FRYL: variants seen among roughly 807,000 people sequenced by gnomAD.
The protein encoded by FRYL is protein furry homolog-like.
Under a neutral mutation model 351.2 loss-of-function variants are expected in FRYL, and 150 were observed. The ratio of observed to expected loss-of-function variants is 0.43; its 90% CI spans 0.37 to 0.49. The LOEUF (loss-of-function observed/expected upper bound fraction) is 0.49, where lower values mean the gene tolerates loss of function less well. Ranked by LOEUF, FRYL falls within the 20% of genes least tolerant of loss-of-function variation. The pLI is 0.00. For synonymous variants in FRYL, 1,153 were observed against 1,257.1 expected (o/e 0.92, Z 1.75); for missense variants, 3,036 against 3,619.3 (o/e 0.84, Z 4.13).
At position 48,512,611 on chromosome 4, in the gene FRYL, A is replaced by C; in HGVS notation, c.8015T>G (p.Ile2672Arg). The change falls in exon 57 of 64, where the codon ATA becomes AGA. Residue 2672 changes from isoleucine to arginine, a missense_variant. Coordinates refer to ENST00000358350, the MANE Select transcript of FRYL (RefSeq NM_015030.2). ...ATATGCCACGGGCTGAAAGGCGGCT[A>C]TGATGGCAGAAAGAAATGGTGACGG... ...PLPSPFLSAI[I>R]AAFQPVAYDD... 6.2e-7 allele frequency: 1 copy of C among 1,614,102 alleles called. No individual in the cohort carries two copies. The highest frequency in any genetic ancestry group is 8.5e-7 in the Non-Finnish European group (1 of 1,179,956).
rs773886010 is a variant in FRYL at position 48,564,977 on chromosome 4, A to G, written c.3397T>C (p.Leu1133=). The change falls in exon 30 of 64, where the codon TTG becomes CTG. Residue 1133 remains leucine, a synonymous_variant. Transcript: ENST00000358350. ...AAAATGTTATCCAACCATTTGTACAAATAGCCATCTGATGAAAGTCCTACA... is the reference window on the plus strand; with the variant it reads ...AAAATGTTATCCAACCATTTGTACAGATAGCCATCTGATGAAAGTCCTACA... ...DNVGLSSDGY[L]YKWLDNILDS... 2.5e-6 allele frequency: 4 copies of G among 1,609,662 alleles called. No homozygotes were observed. The highest frequency in any genetic ancestry group is 2.5e-6 in the Non-Finnish European group (3 of 1,177,006).
chr4:48,578,678 T>G (rs1170718085), intron 23 of FRYL, among the ~76,000 whole-genome samples: 1 of 152,232 alleles, frequency 6.6e-6, no homozygotes, highest in Non-Finnish European at 1.5e-5. Flanking sequence ...ATCCTTAGAT[T>G]CTTTCCCAAT....
At chr4:48,542,192 G>C (rs1404413203) in intron 44 of FRYL, 71 bp from the exon 45 acceptor site, 2 of 1,033,430 alleles carry the variant, frequency 1.9e-6, no homozygotes, top group African/African-American at 3.2e-5. Context: ...CTTCCTAATG[G>C]GATTTTAAAA....
intron 13 of FRYL, among the ~76,000 whole-genome samples, chr4:48,597,125 T>C (rs1460085815): frequency 6.6e-6 from 1 of 152,180 alleles, no homozygotes; most frequent in African/African-American, 2.4e-5. Context: ...AAGTAACATA[T>C]AATGTATACT....
chr4:48,510,809 T>A (rs1394164809), intron 58 of FRYL, 26 bp downstream of exon 58: 1 of 1,582,090 alleles, frequency 6.3e-7, no homozygotes, highest in Non-Finnish European at 8.7e-7. Flanking sequence ...GTAGTCTTTA[T>A]AATAAACCTG....
intron 50 of FRYL, 22 bp downstream of exon 50, chr4:48,531,134 C>G: frequency 1.4e-6 from 2 of 1,431,148 alleles, no homozygotes; most frequent in Non-Finnish European, 2.0e-6. Flanking sequence ...AGAGTAACTT[C>G]ATCAATTTCT....
At chr4:48,570,551 AG>A (rs1738059213) in intron 27 of FRYL, among the ~76,000 whole-genome samples, 1 of 152,240 alleles carries the variant, frequency 6.6e-6, no homozygotes, top group Non-Finnish European at 1.5e-5. Flanking sequence ...CCACTTGCCA[AG>A]ATAACTAGGT....
At chr4:48,633,313 GCTCTA>G (rs1319357645) in intron 4 of FRYL, among the ~76,000 whole-genome samples, 1 of 152,086 alleles carries the variant, frequency 6.6e-6, no homozygotes, top group East Asian at 1.9e-4. Context: ...GTACTTTGCT[GCTCTA>G]CGTCATTGGC....
In FRYL at chr4:48,523,024, G is replaced by A. The variant is rs377657928; in HGVS notation, c.7398C>T (p.Leu2466=). 1.2e-5 allele frequency: 20 copies of A among 1,613,826 alleles called. No individual in the cohort carries two copies. The highest frequency in any genetic ancestry group is 2.2e-5 in the South Asian group (2 of 91,084). The change falls in exon 54 of 64, where the codon CTC becomes CTT. Residue 2466 remains leucine, a synonymous_variant. Coordinates refer to ENST00000358350, the MANE Select transcript of FRYL (RefSeq NM_015030.2). ...DSIDKGDTPS[L]QEYQCSSSTP... ...TGCTACTAGAGCACTGGTACTCCTG[G>A]AGGGATGGAGTGTCCCCTTTGTCAA...
intron 3 of FRYL, among the ~76,000 whole-genome samples, chr4:48,675,558 G>A (rs1444761104): frequency 2.6e-5 from 4 of 152,232 alleles, no homozygotes; most frequent in African/African-American, 2.4e-5. Flanking sequence ...ATTTCTCACC[G>A]AGCCTTAGCT....
chr4:48,568,468 CAAT>C (rs1294511121), intron 27 of FRYL, among the ~76,000 whole-genome samples: 1 of 152,134 alleles, frequency 6.6e-6, no homozygotes, highest in Non-Finnish European at 1.5e-5. Context: ...GCCTAGTAAA[CAAT>C]AAGTGCTATA....
intron 1 of FRYL, among the ~76,000 whole-genome samples, chr4:48,744,479 G>T (rs1772449664): frequency 6.6e-6 from 1 of 152,204 alleles, no homozygotes; most frequent in Non-Finnish European, 1.5e-5. Context: ...GAGTTACACA[G>T]GGAACCCCAA....
intron 1 of FRYL, among the ~76,000 whole-genome samples, chr4:48,737,444 A>G (rs1241739229): frequency 6.6e-6 from 1 of 152,186 alleles, no homozygotes; most frequent in Non-Finnish European, 1.5e-5. Flanking sequence ...AGAAATAGGC[A>G]ATCTTAATTG....
At chr4:48,669,729 T>G (rs1762347452) in intron 3 of FRYL, among the ~76,000 whole-genome samples, 1 of 151,414 alleles carries the variant, frequency 6.6e-6, no homozygotes, top group Non-Finnish European at 1.5e-5. Context: ...CATAAACATT[T>G]TTAAAAGATG....
chr4:48,651,212 CCG>C (rs1491095677), intron 3 of FRYL, among the ~76,000 whole-genome samples: 2 of 112,384 alleles, frequency 1.8e-5, no homozygotes, highest in East Asian at 2.7e-4. Flanking sequence ...ACCACATGCA[CCG>C]TGTGTGTGTG....
At chr4:48,646,570 A>C (rs1756509636) in intron 3 of FRYL, among the ~76,000 whole-genome samples, 1 of 152,338 alleles carries the variant, frequency 6.6e-6, no homozygotes. Context: ...AAGGCTAGCA[A>C]ACTTGTCTTA....
chr4:48,680,989 T>C (rs1330878865), intron 3 of FRYL: 2 of 1,278,702 alleles, frequency 1.6e-6, no homozygotes, highest in African/African-American at 3.1e-5. Context: ...TCCACCTTGC[T>C]CATCCACCGT....
At chr4:48,645,122 TTTTATA>T (rs1756128399) in intron 3 of FRYL, among the ~76,000 whole-genome samples, 1 of 15,030 alleles carries the variant, frequency 6.7e-5, no homozygotes, top group Non-Finnish European at 1.4e-4. Flanking sequence ...TGAGCTTTCA[TTTTATA>T]TATATATATA....
intron 49 of FRYL, among the ~76,000 whole-genome samples, chr4:48,532,262 T>C (rs1410974428): frequency 2.6e-5 from 4 of 152,208 alleles, no homozygotes; most frequent in Non-Finnish European, 4.4e-5. Context: ...GGTTATCCAA[T>C]TGAGTTCATA....
Sources: gnomAD v4.1 joint callset for allele counts (sites outside exome capture counted in the v4.1 genomes callset) on GRCh38, gnomAD v4.1.1 for gene constraint, MANE v1.5 for transcripts, NCBI Gene and HGNC (gene_info 2026-07-23, HGNC 2026-07-21) for gene names.